Variants in IL7 observed in about 807,000 individuals in gnomAD.
IL7 encodes the protein interleukin-7.
Under a neutral mutation model 21.6 loss-of-function variants are expected in IL7, and 3 were observed. The ratio of observed to expected loss-of-function variants is 0.14; its 90% CI spans 0.06 to 0.36. IL7 has a LOEUF of 0.36. IL7 is among the 10% of genes least tolerant of loss of function. IL7 has a pLI of 1.00. For missense variants in IL7, 175 were observed against 200.2 expected (o/e 0.87, Z 0.76); for synonymous variants, 62 against 68.1 (o/e 0.91, Z 0.44).
chr8:78,775,795 G>T (rs1396008668), intron 2 of IL7, among the ~76,000 whole-genome samples: 3 of 152,038 alleles, frequency 2.0e-5, no homozygotes, highest in African/African-American at 7.2e-5. Flanking sequence ...GTAACTGGGG[G>T]GGCGCTTAGA....
At chr8:78,776,440 G>A (rs1170846757) in intron 2 of IL7, among the ~76,000 whole-genome samples, 1 of 151,960 alleles carries the variant, frequency 6.6e-6, no homozygotes, top group African/African-American at 2.4e-5. Context: ...TTGATTTTTG[G>A]GTAACTGAAA....
intron 2 of IL7, among the ~76,000 whole-genome samples, chr8:78,744,206 T>C (rs1262648991): frequency 6.6e-6 from 1 of 152,046 alleles, no homozygotes; most frequent in Non-Finnish European, 1.5e-5. Context: ...ATAGCAGAGA[T>C]GTCAGCCCAC....
chr8:78,737,289 A>C (rs1015496225), intron 4 of IL7, among the ~76,000 whole-genome samples: 1 of 152,128 alleles, frequency 6.6e-6, no homozygotes, highest in Non-Finnish European at 1.5e-5. Context: ...CAGTATTTTC[A>C]ACAGTCACAA....
intron 2 of IL7, among the ~76,000 whole-genome samples, chr8:78,743,786 C>T (rs188401517): frequency 1.2e-4 from 19 of 152,112 alleles, no homozygotes; most frequent in African/African-American, 4.6e-4. Context: ...CAATGTTCGA[C>T]GTTGCCTACC....
At chr8:78,755,082 A>G (rs1487238162) in intron 2 of IL7, among the ~76,000 whole-genome samples, 1 of 152,102 alleles carries the variant, frequency 6.6e-6, no homozygotes, top group African/African-American at 2.4e-5. Flanking sequence ...TATTTATTAA[A>G]GAGACCATCA....
chr8:78,795,248 C>A (rs2130838542), intron 2 of IL7, among the ~76,000 whole-genome samples: 1 of 152,236 alleles, frequency 6.6e-6, no homozygotes, highest in Middle Eastern at 3.4e-3. Flanking sequence ...TGCAAAGCAT[C>A]TAGTCCACAC....
intron 2 of IL7, among the ~76,000 whole-genome samples, chr8:78,782,388 G>A (rs1204428098): frequency 2.0e-5 from 3 of 152,152 alleles, no homozygotes; most frequent in Non-Finnish European, 4.4e-5. Flanking sequence ...TTTGGATGGG[G>A]TTTCTGTGGG....
intron 4 of IL7, among the ~76,000 whole-genome samples, chr8:78,737,663 T>C (rs1811638412): frequency 6.6e-6 from 1 of 152,158 alleles, no homozygotes; most frequent in Admixed American, 6.5e-5. Flanking sequence ...TCTTACCATT[T>C]TACCTTCTAT....
At chr8:78,800,698 AT>A (rs143171275) in intron 1 of IL7, among the ~76,000 whole-genome samples, 1,690 of 152,348 alleles carry the variant, frequency 0.011, 16 homozygotes, top group South Asian at 0.03. Context: ...ATTTGTATAG[AT>A]TGTATGAAAT....
At chr8:78,784,614 A>G (rs1348625779) in intron 2 of IL7, among the ~76,000 whole-genome samples, 4 of 152,132 alleles carry the variant, frequency 2.6e-5, no homozygotes, top group Non-Finnish European at 5.9e-5. Flanking sequence ...ATATTTATGA[A>G]GGGTCTTGTC....
At chr8:78,751,120 A>G (rs1324814741) in intron 2 of IL7, among the ~76,000 whole-genome samples, 1 of 151,692 alleles carries the variant, frequency 6.6e-6, no homozygotes, top group African/African-American at 2.4e-5. Context: ...AAAAAAGAAC[A>G]GAATATCTAA....
At chr8:78,688,059 G>T (rs1377365043) in intron 3 of IL7, among the ~76,000 whole-genome samples, 1 of 150,210 alleles carries the variant, frequency 6.7e-6, no homozygotes, top group South Asian at 2.1e-4. Context: ...CAACAGGCAG[G>T]CTGGATTTGG....
At chr8:78,737,514 G>C (rs2130678425) in intron 4 of IL7, among the ~76,000 whole-genome samples, 1 of 152,184 alleles carries the variant, frequency 6.6e-6, no homozygotes, top group Admixed American at 6.5e-5. Flanking sequence ...ACGCAAGTTT[G>C]GAAATAAGTT....
chr8:78,785,220 T>A (rs1002194276), intron 2 of IL7, among the ~76,000 whole-genome samples: 1 of 152,154 alleles, frequency 6.6e-6, no homozygotes, highest in Non-Finnish European at 1.5e-5. Context: ...GCACTGTTCA[T>A]TCCATTTTGC....
intron 3 of IL7, among the ~76,000 whole-genome samples, chr8:78,704,462 G>A (rs1381452058): frequency 6.6e-6 from 1 of 151,708 alleles, no homozygotes; most frequent in African/African-American, 2.4e-5. Context: ...CCACTGAGAG[G>A]TCTGCTGTTA....
intron 4 of IL7, 100 bp from the exon 5 acceptor site, chr8:78,736,627 CTATT>C (rs960595036): frequency 3.5e-5 from 22 of 621,826 alleles, no homozygotes; most frequent in Admixed American, 3.1e-4. Context: ...CTCATCTAAT[CTATT>C]TGAGACTCTA....
At chr8:78,713,119 A>G (rs1003892608), downstream of IL7, among the ~76,000 whole-genome samples, 1 of 152,146 alleles carries the variant, frequency 6.6e-6, no homozygotes, top group Non-Finnish European at 1.5e-5. Flanking sequence ...TACAATTCCA[A>G]AATTAAACCT....
intron 2 of IL7, among the ~76,000 whole-genome samples, chr8:78,747,854 A>C (rs1021624206): frequency 6.6e-6 from 1 of 152,184 alleles, no homozygotes; most frequent in Admixed American, 6.5e-5. Flanking sequence ...TGAATACAAG[A>C]TATATGCTGC....
chr8:78,700,720 A>G (rs1810573880), intron 3 of IL7, among the ~76,000 whole-genome samples: 2 of 152,152 alleles, frequency 1.3e-5, no homozygotes, highest in Admixed American at 6.6e-5. Context: ...TCTTCTGCAT[A>G]TTGCTAGCCA....
Sources: gnomAD v4.1 joint callset for allele counts (sites outside exome capture counted in the v4.1 genomes callset) on GRCh38, gnomAD v4.1.1 for gene constraint, MANE v1.5 for transcripts, NCBI Gene and HGNC (gene_info 2026-07-23, HGNC 2026-07-21) for gene names.